EPB41L4A: variants seen among roughly 807,000 people sequenced by gnomAD.
The protein encoded by EPB41L4A is band 4.1-like protein 4A.
A neutral mutation model predicts 108.6 loss-of-function variants in EPB41L4A; 100 were observed. The observed-to-expected ratio is 0.92, with a 90% confidence interval of 0.78 to 1.09. The LOEUF is 1.09. Among genes scored for constraint, EPB41L4A ranks in the 50% least tolerant of loss-of-function variants. The probability of loss-of-function intolerance (pLI) is 0.00; values close to 1 mark genes in which losing one functional copy is unlikely to be tolerated. For missense variants in EPB41L4A, 1,030 were observed against 842.7 expected, an observed-to-expected ratio of 1.22 and a Z score of -2.75; for synonymous variants, 319 against 289.0, an observed-to-expected ratio of 1.10 and a Z score of -1.05.
chr5:112,381,171 T>C (rs1021914444), intron 1 of EPB41L4A, among the ~76,000 whole-genome samples: 3 of 152,218 alleles, frequency 2.0e-5, no homozygotes, highest in Admixed American at 1.3e-4. Flanking sequence ...AGCCAGGTAG[T>C]TTCCTCAGAT....
chr5:112,209,831 A>T, intron 13 of EPB41L4A, 61 bp downstream of exon 13: 4 of 1,043,612 alleles, frequency 3.8e-6, no homozygotes, highest in Non-Finnish European at 5.8e-6. Context: ...CCTTGTCTAC[A>T]GAAAAAAAGC....
upstream of EPB41L4A, chr5:112,419,510 T>A: frequency 2.6e-6 from 1 of 388,746 alleles, no homozygotes; most frequent in Non-Finnish European, 5.1e-6. Context: ...CCCGACGTCC[T>A]GGCGTCCGAT....
chr5:112,220,357 T>A (rs1049163279), intron 12 of EPB41L4A, among the ~76,000 whole-genome samples: 6 of 152,128 alleles, frequency 3.9e-5, no homozygotes, highest in African/African-American at 1.4e-4. Context: ...AAAGGATATG[T>A]CACTTGATAA....
chr5:112,300,223 A>C (rs998901304), intron 2 of EPB41L4A, among the ~76,000 whole-genome samples: 12 of 145,050 alleles, frequency 8.3e-5, no homozygotes, highest in African/African-American at 3.2e-4. Context: ...TTTCTTAATT[A>C]TATTTTTGTT....
chr5:112,211,716 A>G (rs1221362101), intron 12 of EPB41L4A, among the ~76,000 whole-genome samples: 11 of 152,216 alleles, frequency 7.2e-5, no homozygotes, highest in African/African-American at 2.7e-4. Context: ...TTTCCTCCAG[A>G]GCAGTTGGGA....
At chr5:112,302,498 C>T (rs186799643) in intron 2 of EPB41L4A, among the ~76,000 whole-genome samples, 68 of 152,304 alleles carry the variant, frequency 4.5e-4, no homozygotes, top group Non-Finnish European at 7.9e-4. Context: ...ATGTGGACCA[C>T]ACATGTTAAA....
chr5:112,313,027 G>C (rs917743514), intron 1 of EPB41L4A, among the ~76,000 whole-genome samples: 1 of 152,170 alleles, frequency 6.6e-6, no homozygotes, highest in African/African-American at 2.4e-5. Flanking sequence ...TTCATTCATT[G>C]AAATATTTAT....
At chr5:112,260,324 C>T (rs1200390617) in intron 7 of EPB41L4A, among the ~76,000 whole-genome samples, 1 of 152,208 alleles carries the variant, frequency 6.6e-6, no homozygotes. Context: ...GCTTAAAATG[C>T]TGATGCCTGG....
chr5:112,332,346 A>C (rs992659931), intron 1 of EPB41L4A, among the ~76,000 whole-genome samples: 8 of 152,174 alleles, frequency 5.3e-5, no homozygotes, highest in Admixed American at 5.2e-4. Context: ...TGAAGTAATT[A>C]TTTGGCTTGG....
chr5:112,394,536 A>T (rs1761196295), intron 1 of EPB41L4A, among the ~76,000 whole-genome samples: 1 of 152,250 alleles, frequency 6.6e-6, no homozygotes, highest in South Asian at 2.1e-4. Flanking sequence ...CTTGCAAGGG[A>T]TGTGAAGGAC....
chr5:112,234,805 A>T (rs201958311), intron 11 of EPB41L4A, 50 bp from the exon 12 acceptor site: 120 of 1,570,778 alleles, frequency 7.6e-5, no homozygotes, highest in Middle Eastern at 3.4e-4. Flanking sequence ...CACAGCCACA[A>T]AATTAAACAA....
intron 1 of EPB41L4A, chr5:112,363,517 G>A (rs556554242): frequency 2.6e-5 from 4 of 152,214 alleles, no homozygotes; most frequent in South Asian, 4.2e-4. Context: ...GATCTTTGAC[G>A]TTTTTCTCAA....
At chr5:112,307,570 A>G (rs1754777146) in intron 1 of EPB41L4A, 80 bp from the exon 2 acceptor site, 3 of 886,450 alleles carry the variant, frequency 3.4e-6, no homozygotes, top group African/African-American at 1.6e-5. Context: ...CTCATCTTTT[A>G]TTAGTTTCAC....
chr5:112,340,700 T>C (rs1002834768), intron 1 of EPB41L4A, among the ~76,000 whole-genome samples: 1 of 152,204 alleles, frequency 6.6e-6, no homozygotes, highest in East Asian at 1.9e-4. Flanking sequence ...TGTAACTACA[T>C]GTACGTTTCT....
At chr5:112,231,278 A>G (rs1332845167) in intron 12 of EPB41L4A, among the ~76,000 whole-genome samples, 1 of 152,218 alleles carries the variant, frequency 6.6e-6, no homozygotes, top group Non-Finnish European at 1.5e-5. Context: ...AAGTAAGAAA[A>G]GCAAGTTGAA....
intron 1 of EPB41L4A, among the ~76,000 whole-genome samples, chr5:112,417,164 T>C (rs998467742): frequency 4.6e-5 from 7 of 152,262 alleles, no homozygotes; most frequent in Non-Finnish European, 7.3e-5. Flanking sequence ...AGCCCATTTG[T>C]AAAACAAGAT....
At chr5:112,259,118 G>T in intron 9 of EPB41L4A, 111 bp downstream of exon 9, 1 of 815,930 alleles carries the variant, frequency 1.2e-6, no homozygotes, top group Non-Finnish European at 2.1e-6. Context: ...AATTAACCTG[G>T]TTCCATGTGG....
At chr5:112,384,292 T>C (rs908648899) in intron 1 of EPB41L4A, among the ~76,000 whole-genome samples, 7 of 152,308 alleles carry the variant, frequency 4.6e-5, no homozygotes, top group African/African-American at 1.4e-4. Flanking sequence ...GATGATAATA[T>C]AGATGACTAT....
At chr5:112,188,117 C>G (rs1561460164) in intron 17 of EPB41L4A, among the ~76,000 whole-genome samples, 2 of 152,222 alleles carry the variant, frequency 1.3e-5, no homozygotes, top group Non-Finnish European at 2.9e-5. Context: ...CACATGGCCC[C>G]TCCATTGCCA....
Sources: allele counts gnomAD v4.1 joint callset (sites outside exome capture counted in the v4.1 genomes callset), GRCh38; gene constraint gnomAD v4.1.1; transcripts MANE v1.5; gene names NCBI Gene and HGNC (gene_info 2026-07-23, HGNC 2026-07-21).